Variants in KCNQ1OT1 observed in about 807,000 individuals in gnomAD.
KCNQ1OT1 encodes KCNQ1 antisense RNA 2 (non-protein coding).
exon 1 of KCNQ1OT1, chr11:2,632,983 CAAA>C (rs1213134998): frequency 2.5e-6 from 1 of 398,276 alleles, no homozygotes; most frequent in East Asian, 3.6e-5. Flanking sequence ...GTTTTTTTGA[CAAA>C]ACACCACAGT....
chr11:2,672,654 GA>G (rs1850207498), exon 1 of KCNQ1OT1: 3 of 398,602 alleles, frequency 7.5e-6, no homozygotes, highest in Non-Finnish European at 1.3e-5. Flanking sequence ...ACTGAGACCA[GA>G]TATGATAGGA....
exon 1 of KCNQ1OT1, chr11:2,622,062 GT>G (rs141101139): frequency 0.14 from 54,774 of 398,132 alleles, 4,056 homozygotes; most frequent in African/African-American, 0.21. Context: ...CTTTTGGTAT[GT>G]TGTGTTCCCA....
rs1850437921 is a variant in KCNQ1OT1, at chr11:2,683,705, C to A, written n.16290G>T. ...GAAAAGCCTAGCCTGGGACTCAGGC[C>A]TTTCCTTACTCCCTCTGGTTACCTA... On this transcript the variant is annotated non_coding_transcript_exon_variant, in exon 1 of 1. Coordinates refer to ENST00000597346, the Ensembl canonical transcript of KCNQ1OT1. The surrounding 1 kb of genome is among the most constrained non-coding windows in gnomAD (Gnocchi z 4.7). 7.5e-6 allele frequency: 3 copies of A among 398,498 alleles called. No homozygotes were observed. Among genetic ancestry groups the A allele is most frequent in the Admixed American group, 8.8e-5 (2 of 22,716 alleles). The allele number at this position is 398,498 out of a possible 1,614,324, so 24.7% of individuals were successfully genotyped here.
chr11:2,645,091 G>A lies in KCNQ1OT1; in HGVS notation n.54904C>T, dbSNP rs555485685. 17 of 398,694 alleles carry A rather than the reference G, an allele frequency of 4.3e-5. No homozygotes were observed. Among genetic ancestry groups the A allele is most frequent in the Admixed American group, 4.0e-4 (9 of 22,744 alleles). 24.7% of individuals were successfully genotyped at this position (398,694 alleles called of 1,614,324 possible). A position where few individuals can be genotyped will look rare whatever the true frequency, so the allele number is the denominator to read the frequency against. On this transcript the variant is annotated non_coding_transcript_exon_variant, in exon 1 of 1. Transcript: ENST00000597346. The surrounding 1 kb of genome is among the most constrained non-coding windows in gnomAD (Gnocchi z 5.8). ...TGGGCCACAGGGTGGGTAGGTCCTTGAGCTCTGAGCAGCAGATATGGCTTG... is the reference window on the plus strand; with the variant it reads ...TGGGCCACAGGGTGGGTAGGTCCTTAAGCTCTGAGCAGCAGATATGGCTTG...
chr11:2,628,410 T>C (rs1849295140), exon 1 of KCNQ1OT1: 2 of 398,420 alleles, frequency 5.0e-6, no homozygotes, highest in Non-Finnish European at 8.8e-6. Context: ...CCTTTTTATA[T>C]ACCTGTTGAC....
exon 1 of KCNQ1OT1, chr11:2,680,655 T>C: frequency 2.5e-6 from 1 of 398,582 alleles, no homozygotes; most frequent in Admixed American, 4.4e-5. Flanking sequence ...ATTGATAGTC[T>C]CACTACAGGA....
chr11:2,628,443 A>G, exon 1 of KCNQ1OT1: 1 of 398,516 alleles, frequency 2.5e-6, no homozygotes, highest in Non-Finnish European at 4.4e-6. Flanking sequence ...TTCTTTGAAT[A>G]AATGTCTATT....
chr11:2,674,296 T>G lies in KCNQ1OT1; in HGVS notation n.25699A>C. The G allele has an allele frequency of 2.5e-6, 1 of 398,618 alleles. No individual in the cohort carries two copies. The allele number at this position is 398,618 out of a possible 1,614,324, so 24.7% of individuals were successfully genotyped here. Reference sequence around the variant, plus strand: ...CACACACTAGGACCTTTCTTCATCATGCAGCCGTAGAGCTGGAGGCCAAGG... The same window carrying G: ...CACACACTAGGACCTTTCTTCATCAGGCAGCCGTAGAGCTGGAGGCCAAGG... On this transcript the variant is annotated non_coding_transcript_exon_variant, in exon 1 of 1. Coordinates refer to ENST00000597346, the Ensembl canonical transcript of KCNQ1OT1. This position sits in a 1 kb window ranked among gnomAD's most constrained non-coding sequence, Gnocchi z 5.9.
chr11:2,628,897 G>A (rs1589991031), exon 1 of KCNQ1OT1: 1 of 398,306 alleles, frequency 2.5e-6, no homozygotes, highest in East Asian at 3.6e-5. Flanking sequence ...TGTACTCTTG[G>A]TGTCTTTGTC....
rs1442909448 is a variant in KCNQ1OT1 at position 2,620,540 on chromosome 11, A to G, written n.79455T>C. ...CGAATTCATTCATTTTTATGGCTGC[A>G]TAGTATTCCATGGTGTACATGTACC... On this transcript the variant is annotated non_coding_transcript_exon_variant, in exon 1 of 1. Coordinates refer to ENST00000597346, the Ensembl canonical transcript of KCNQ1OT1. The surrounding 1 kb of genome is among the most constrained non-coding windows in gnomAD (Gnocchi z 4.5). 8 of 394,884 alleles carry G rather than the reference A, an allele frequency of 2.0e-5. No individual in the cohort carries two copies. The highest frequency in any genetic ancestry group is 4.4e-5 in the Admixed American group (1 of 22,570). The allele number at this position is 394,884 out of a possible 1,614,324, so 24.5% of individuals were successfully genotyped here.
At chr11:2,634,948 T>C (rs1182849858) in exon 1 of KCNQ1OT1, 2 of 152,258 alleles carry the variant, frequency 1.3e-5, no homozygotes, top group East Asian at 1.9e-4. Flanking sequence ...ATGAGCATTT[T>C]TTCATGTGTC....
exon 1 of KCNQ1OT1, chr11:2,692,441 C>T (rs1308188567): frequency 2.5e-6 from 1 of 398,566 alleles, no homozygotes; most frequent in African/African-American, 2.1e-5. Flanking sequence ...GTTTAGAGAC[C>T]TGTGGGTCTT....
rs1589980710 is a variant in KCNQ1OT1, at chr11:2,611,364, C to T, written n.88631G>A. 2 of 397,430 alleles carry T rather than the reference C, an allele frequency of 5.0e-6. No individual in the cohort carries two copies. The allele number at this position is 397,430 out of a possible 1,614,324, so 24.6% of individuals were successfully genotyped here. On this transcript the variant is annotated non_coding_transcript_exon_variant, in exon 1 of 1. Coordinates refer to ENST00000597346, the Ensembl canonical transcript of KCNQ1OT1. This position sits in a 1 kb window ranked among gnomAD's most constrained non-coding sequence, Gnocchi z 5.3. ...CATCCCAAGTAGCTGGGACTACAGGCATTTGCCACCATACCCAGCTAATTT... is the reference window on the plus strand; with the variant it reads ...CATCCCAAGTAGCTGGGACTACAGGTATTTGCCACCATACCCAGCTAATTT...
exon 1 of KCNQ1OT1, chr11:2,688,305 A>T: frequency 2.5e-6 from 1 of 398,718 alleles, no homozygotes; most frequent in East Asian, 3.6e-5. Context: ...GACTCTGGAA[A>T]ATCTAAGCAC....
In KCNQ1OT1 at chr11:2,661,791, T is replaced by C. The variant is rs1590014661; in HGVS notation, n.38204A>G. 2 of 761,524 alleles carry C rather than the reference T, an allele frequency of 2.6e-6. No individual in the cohort carries two copies. The highest frequency in any genetic ancestry group is 5.3e-5 in the East Asian group (2 of 37,416). 47.2% of individuals were successfully genotyped at this position (761,524 alleles called of 1,614,324 possible). On this transcript the variant is annotated non_coding_transcript_exon_variant, in exon 1 of 1. Coordinates refer to ENST00000597346, the Ensembl canonical transcript of KCNQ1OT1. This position sits in a 1 kb window ranked among gnomAD's most constrained non-coding sequence, Gnocchi z 5.9. ...AGGTGTCAGGCACTTTGGGGCCATC[T>C]TAAACACCCACCCACCCCAACACCC...
At chr11:2,637,374 A>G (rs1350593489) in exon 1 of KCNQ1OT1, 2 of 152,172 alleles carry the variant, frequency 1.3e-5, no homozygotes, top group Non-Finnish European at 2.9e-5. Flanking sequence ...AGATTCTGGT[A>G]TGTTGTGTCT....
At position 2,626,274 on chromosome 11, in the gene KCNQ1OT1, G is replaced by T. The variant is rs1052232551; in HGVS notation, n.73721C>A. 3 of 398,276 alleles carry T rather than the reference G, an allele frequency of 7.5e-6. No individual in the cohort carries two copies. The highest frequency in any genetic ancestry group is 1.3e-5 in the Non-Finnish European group (3 of 226,038). 24.7% of individuals were successfully genotyped at this position (398,276 alleles called of 1,614,324 possible). A position where few individuals can be genotyped will look rare whatever the true frequency, so the allele number is the denominator to read the frequency against. ...CTTCATTCTCTTTTATACATGGTTA[G>T]GTAAGGATCTCAACTTCATTCTCTT... On this transcript the variant is annotated non_coding_transcript_exon_variant, in exon 1 of 1. Coordinates refer to ENST00000597346, the Ensembl canonical transcript of KCNQ1OT1. The surrounding 1 kb of genome is among the most constrained non-coding windows in gnomAD (Gnocchi z 4.0).
Position 2,647,049 on chromosome 11 carries a change from T to C in KCNQ1OT1, n.52946A>G. On this transcript the variant is annotated non_coding_transcript_exon_variant, in exon 1 of 1. Coordinates refer to ENST00000597346, the Ensembl canonical transcript of KCNQ1OT1. The surrounding 1 kb of genome is among the most constrained non-coding windows in gnomAD (Gnocchi z 4.0). Reference sequence around the variant, plus strand: ...TGAATAAGAATAGTGAAAGTGGGCATCCTTGTCTTGTTCTAGTTCTAAGAG... The same window carrying C: ...TGAATAAGAATAGTGAAAGTGGGCACCCTTGTCTTGTTCTAGTTCTAAGAG... 1 of 398,640 alleles carries C rather than the reference T, an allele frequency of 2.5e-6. No individual in the cohort carries two copies. The highest frequency in any genetic ancestry group is 4.4e-6 in the Non-Finnish European group (1 of 226,058). The allele number at this position is 398,640 out of a possible 1,614,324, so 24.7% of individuals were successfully genotyped here.
exon 1 of KCNQ1OT1, chr11:2,631,978 C>T (rs914991204): frequency 2.8e-5 from 11 of 395,936 alleles, no homozygotes; most frequent in Admixed American, 1.8e-4. Context: ...GTCAGGAGAT[C>T]GAGACCATCC....
Sources: gnomAD v4.1 joint callset for allele counts on GRCh38, gnomAD v4.1.1 for gene constraint, Gnocchi (gnomAD v3.1) non-coding constraint, MANE v1.5 for transcripts, NCBI Gene and HGNC (gene_info 2026-07-23, HGNC 2026-07-21) for gene names.